GPR149: variants seen among roughly 807,000 people sequenced by gnomAD.
The protein encoded by GPR149 is probable G protein-coupled receptor 149.
In GPR149, 50 loss-of-function variants were observed where a neutral mutation model predicts 50.2. The observed-to-expected ratio is 1.00, with a 90% CI of 0.79 to 1.26. The LOEUF (loss-of-function observed/expected upper bound fraction) is 1.26, where lower values mean the gene tolerates loss of function less well. Ranked by LOEUF, GPR149 falls within the 50% of genes most tolerant of loss-of-function variation. GPR149 has a pLI of 0.00. For missense variants in GPR149, 983 were observed against 895.4 expected, an observed-to-expected ratio of 1.10 and a Z score of -1.25; for synonymous variants, 405 against 358.2, an observed-to-expected ratio of 1.13 and a Z score of -1.48.
intron 3 of GPR149, among the ~76,000 whole-genome samples, chr3:154,404,767 CAG>C (rs1220739043): frequency 6.6e-6 from 1 of 152,180 alleles, no homozygotes; most frequent in Non-Finnish European, 1.5e-5. Flanking sequence ...ACAAACCACA[CAG>C]AGTTTTTGTG....
intron 3 of GPR149, among the ~76,000 whole-genome samples, chr3:154,388,871 AACAC>A (rs58641317): frequency 3.5e-5 from 5 of 144,844 alleles, no homozygotes; most frequent in Admixed American, 7.0e-5. Context: ...ACATATGAAA[AACAC>A]ACACACACAC....
At chr3:154,405,118 A>G (rs1458283188) in intron 3 of GPR149, among the ~76,000 whole-genome samples, 1 of 152,252 alleles carries the variant, frequency 6.6e-6, no homozygotes, top group Non-Finnish European at 1.5e-5. Context: ...TGCAGATGAT[A>G]TGATATTATA....
chr3:154,351,311 T>TGCAA (rs1341107044), intron 3 of GPR149, among the ~76,000 whole-genome samples: 311 of 19,682 alleles, frequency 0.016, 69 homozygotes, highest in East Asian at 0.034. Flanking sequence ...GACATCCACA[T>TGCAA]ACAAAAAAAA....
chr3:154,393,642 G>T (rs1715220993), intron 3 of GPR149, among the ~76,000 whole-genome samples: 1 of 151,934 alleles, frequency 6.6e-6, no homozygotes, highest in African/African-American at 2.4e-5. Context: ...ATCCATGCTT[G>T]CAGATGGCAT....
At chr3:154,344,442 G>A (rs565182766) in intron 3 of GPR149, among the ~76,000 whole-genome samples, 2 of 152,270 alleles carry the variant, frequency 1.3e-5, no homozygotes, top group Admixed American at 1.3e-4. Flanking sequence ...GTTAATATTG[G>A]TTTAATTTAT....
chr3:154,347,338 G>A (rs1364567629), intron 3 of GPR149, among the ~76,000 whole-genome samples: 1 of 152,174 alleles, frequency 6.6e-6, no homozygotes, highest in Non-Finnish European at 1.5e-5. Flanking sequence ...GAGGACACAA[G>A]CACATCCCTC....
chr3:154,414,081 G>A (rs146619618), intron 3 of GPR149, among the ~76,000 whole-genome samples: 42 of 151,722 alleles, frequency 2.8e-4, no homozygotes, highest in African/African-American at 8.5e-4. Flanking sequence ...AACATCATAC[G>A]TTCTCATTCA....
chr3:154,373,986 AAAAT>A (rs1023798202), intron 3 of GPR149, among the ~76,000 whole-genome samples: 4 of 152,198 alleles, frequency 2.6e-5, no homozygotes, highest in African/African-American at 7.2e-5. Flanking sequence ...AAAAAGGGAA[AAAAT>A]AAACAAACAA....
intron 3 of GPR149, among the ~76,000 whole-genome samples, chr3:154,397,293 A>G (rs1246292720): frequency 6.6e-6 from 1 of 152,148 alleles, no homozygotes; most frequent in Admixed American, 6.5e-5. Flanking sequence ...AGAGAGGGAA[A>G]GAGCAGTTGA....
rs766749335 is a variant in GPR149, at chr3:154,421,080, A to T, written c.1582T>A (p.Trp528Arg). 6.2e-7 allele frequency: 1 copy of T among 1,612,834 alleles called. No individual in the cohort carries two copies. Among genetic ancestry groups the T allele is most frequent in the African/African-American group, 1.3e-5 (1 of 74,926 alleles). The change falls in exon 3 of 4, where the codon TGG becomes AGG. Residue 528 changes from tryptophan (W) to arginine (R), a missense_variant. Transcript: ENST00000389740. ...EESQKPDLSD[W>R]EWCRSKSERT... ...TCTGATTTACTCCTACACCACTCCC[A>T]GTCTGAAAGATCTGGTTTCTGACTC...
At chr3:154,375,007 G>T (rs1282743738) in intron 3 of GPR149, among the ~76,000 whole-genome samples, 1 of 152,306 alleles carries the variant, frequency 6.6e-6, no homozygotes, top group South Asian at 2.1e-4. Flanking sequence ...GCAGAGGTTT[G>T]TTCCTGAAAA....
At chr3:154,360,481 C>T (rs865792202) in intron 3 of GPR149, among the ~76,000 whole-genome samples, 10 of 152,076 alleles carry the variant, frequency 6.6e-5, no homozygotes, top group Admixed American at 1.3e-4. Flanking sequence ...GTGTGTATTA[C>T]GATTATCCCC....
At chr3:154,381,965 C>T (rs1465454815) in intron 3 of GPR149, among the ~76,000 whole-genome samples, 1 of 152,102 alleles carries the variant, frequency 6.6e-6, no homozygotes, top group Non-Finnish European at 1.5e-5. Flanking sequence ...ACTTTCTTGC[C>T]CAGCTACTTC....
intron 3 of GPR149, among the ~76,000 whole-genome samples, chr3:154,376,820 ATCTT>A (rs1714802243): frequency 6.6e-6 from 1 of 152,166 alleles, no homozygotes; most frequent in African/African-American, 2.4e-5. Flanking sequence ...GAGGAGTCAT[ATCTT>A]GGCCTTACCA....
intron 3 of GPR149, among the ~76,000 whole-genome samples, chr3:154,368,819 A>G (rs968977198): frequency 6.6e-6 from 1 of 152,168 alleles, no homozygotes; most frequent in Admixed American, 6.5e-5. Flanking sequence ...TTCCTCCTTG[A>G]AGGACAGTTT....
chr3:154,394,741 T>A (rs1158833080), intron 3 of GPR149, among the ~76,000 whole-genome samples: 1 of 152,060 alleles, frequency 6.6e-6, no homozygotes, highest in African/African-American at 2.4e-5. Flanking sequence ...AATAACCAAC[T>A]TTTAAAAATA....
At chr3:154,391,295 A>G (rs574900420) in intron 3 of GPR149, among the ~76,000 whole-genome samples, 6 of 151,638 alleles carry the variant, frequency 4.0e-5, no homozygotes, top group South Asian at 4.2e-4. Context: ...GACATCAAGA[A>G]CATAACGTGT....
chr3:154,402,554 T>A (rs368035738), intron 3 of GPR149, among the ~76,000 whole-genome samples: 3 of 35,006 alleles, frequency 8.6e-5, no homozygotes, highest in Admixed American at 4.7e-4. Flanking sequence ...TGAAAGTTTC[T>A]AAGATCCATC....
intron 3 of GPR149, chr3:154,352,929 A>G: frequency 1.1e-6 from 1 of 892,914 alleles, no homozygotes; most frequent in East Asian, 2.4e-5. Context: ...ACGGGCCTCA[A>G]CATCCTGAGG....
Sources: allele counts gnomAD v4.1 joint callset (sites outside exome capture counted in the v4.1 genomes callset), GRCh38; gene constraint gnomAD v4.1.1; transcripts MANE v1.5; gene names NCBI Gene and HGNC (gene_info 2026-07-23, HGNC 2026-07-21).